The following CNTN4 variants were observed in gnomAD, a reference collection of about 807,000 sequenced individuals.
CNTN4 encodes contactin 4.
A neutral mutation model predicts 122.5 loss-of-function variants in CNTN4; 77 were observed. The ratio of observed to expected loss-of-function variants is 0.63; its 90% CI spans 0.52 to 0.76. The LOEUF (loss-of-function observed/expected upper bound fraction) is 0.76. Ranked by LOEUF, CNTN4 falls within the 30% of genes least tolerant of loss-of-function variation. The probability of loss-of-function intolerance (pLI) is 0.00; values close to 1 mark genes in which losing one functional copy is unlikely to be tolerated. For missense variants in CNTN4, 1,256 were observed against 1,259.1 expected (o/e 1.00, Z 0.04); for synonymous variants, 512 against 447.0 (o/e 1.15, Z -1.83).
intron 2 of CNTN4, among the ~76,000 whole-genome samples, chr3:2,185,492 G>A (rs1349640096): frequency 6.6e-6 from 1 of 152,030 alleles, no homozygotes; most frequent in African/African-American, 2.4e-5. Flanking sequence ...GCTACCCCAG[G>A]GCACTTTCCA....
chr3:2,674,586 G>C (rs1028280202), intron 4 of CNTN4, among the ~76,000 whole-genome samples: 1 of 152,096 alleles, frequency 6.6e-6, no homozygotes, highest in Non-Finnish European at 1.5e-5. Flanking sequence ...GTGAAATCTC[G>C]TCTCTATTAA....
intron 4 of CNTN4, among the ~76,000 whole-genome samples, chr3:2,651,310 C>T (rs1009470653): frequency 8.5e-5 from 13 of 152,216 alleles, no homozygotes; most frequent in African/African-American, 1.2e-4. Context: ...TTTGTGCTCC[C>T]GATGATCCCT....
At chr3:2,934,654 G>A (rs550408626) in intron 13 of CNTN4, among the ~76,000 whole-genome samples, 23 of 152,346 alleles carry the variant, frequency 1.5e-4, no homozygotes, top group African/African-American at 4.8e-4. Flanking sequence ...CTCTTAATGA[G>A]AAACCTGCCC....
chr3:2,678,987 G>A (rs759488595), intron 4 of CNTN4, among the ~76,000 whole-genome samples: 13 of 152,160 alleles, frequency 8.5e-5, no homozygotes, highest in Admixed American at 2.0e-4. Flanking sequence ...GTGCACATGT[G>A]TTCTGTTGAA....
In CNTN4 at chr3:2,122,444, A is replaced by T. The variant is rs182392184; in HGVS notation, c.-145+21805A>T. Among the ~76,000 whole-genome samples the T allele has an allele frequency of 3.1e-4, 47 of 152,336 alleles. No individual in the cohort carries two copies. The East Asian group carries it at 8.5e-3, about 28-fold the overall frequency. ...AGATGAATCTTAGATGTCAGTCTAC[A>T]TTAATCTATATGTAGCTAACTCTTC... On this transcript the variant is annotated intron_variant, in intron 2 of 24. Coordinates refer to ENST00000418658, the MANE Select transcript of CNTN4 (RefSeq NM_175607.3).
chr3:2,371,703 C>T (rs2045639593), intron 3 of CNTN4, among the ~76,000 whole-genome samples: 1 of 152,052 alleles, frequency 6.6e-6, no homozygotes, highest in East Asian at 1.9e-4. Flanking sequence ...TTTCATGTAA[C>T]ATATATTTTT....
intron 3 of CNTN4, among the ~76,000 whole-genome samples, chr3:2,545,647 C>G (rs937616956): frequency 4.7e-5 from 7 of 149,092 alleles, no homozygotes; most frequent in African/African-American, 1.7e-4. Flanking sequence ...TTCATCTTTG[C>G]TGGTATAAAG....
chr3:2,121,444 G>C (rs1330182406), intron 2 of CNTN4, among the ~76,000 whole-genome samples: 2 of 148,788 alleles, frequency 1.3e-5, no homozygotes, highest in Non-Finnish European at 3.0e-5. Context: ...GTTGCAGTGA[G>C]CCGAGATCAC....
At chr3:2,311,642 G>C (rs901301456) in intron 2 of CNTN4, among the ~76,000 whole-genome samples, 15 of 152,042 alleles carry the variant, frequency 9.9e-5, no homozygotes, top group African/African-American at 3.6e-4. Context: ...ATTTTAATAG[G>C]TTTCTTCACT....
At chr3:2,416,815 G>A (rs945408381) in intron 3 of CNTN4, among the ~76,000 whole-genome samples, 6 of 151,968 alleles carry the variant, frequency 3.9e-5, no homozygotes, top group South Asian at 2.1e-4. Context: ...AACCTCGCCC[G>A]GCTAATTTTT....
At chr3:2,176,700 T>C (rs1027737573) in intron 2 of CNTN4, among the ~76,000 whole-genome samples, 1 of 152,134 alleles carries the variant, frequency 6.6e-6, no homozygotes, top group Non-Finnish European at 1.5e-5. Flanking sequence ...ATTATCACTT[T>C]TATTTTTGCT....
At position 2,273,344 on chromosome 3, in the gene CNTN4, C is replaced by G. The variant is rs139602813; in HGVS notation, c.-144-65834C>G. ...CTTCAGTCCTATTCTGTGTATCTATCTAGTCATTGTCCCAGTGAAATGATA... is the reference window on the plus strand; with the variant it reads ...CTTCAGTCCTATTCTGTGTATCTATGTAGTCATTGTCCCAGTGAAATGATA... On this transcript the variant is annotated intron_variant, in intron 2 of 24. Coordinates refer to ENST00000418658, the MANE Select transcript of CNTN4 (RefSeq NM_175607.3). 2.6e-3 allele frequency among the ~76,000 whole-genome samples: 396 copies of G among 152,284 alleles called. 1 individual carries two copies. The highest frequency in any genetic ancestry group is 9.0e-3 in the African/African-American group (376 of 41,562).
At chr3:2,644,932 GCCT>G (rs1461364663) in intron 4 of CNTN4, among the ~76,000 whole-genome samples, 1 of 150,654 alleles carries the variant, frequency 6.6e-6, no homozygotes, top group East Asian at 1.9e-4. Flanking sequence ...ATGAATTAAT[GCCT>G]CCTTTCCCAG....
intron 2 of CNTN4, among the ~76,000 whole-genome samples, chr3:2,167,806 G>A (rs1227402796): frequency 1.3e-5 from 2 of 152,146 alleles, no homozygotes; most frequent in Non-Finnish European, 2.9e-5. Context: ...AATAGTATAT[G>A]ATGTTTCCCT....
intron 12 of CNTN4, among the ~76,000 whole-genome samples, chr3:2,925,202 A>C (rs1310216049): frequency 6.6e-6 from 1 of 152,202 alleles, no homozygotes; most frequent in African/African-American, 2.4e-5. Context: ...ACAGTGCTAC[A>C]TACTTTAAAA....
chr3:2,616,755 A>G lies in CNTN4; in HGVS notation c.55+45197A>G, dbSNP rs2081760057. Reference sequence around the variant, plus strand: ...ACTTCGAACTATACTACAAAGCTACAGTAACGAAAACAGCATGGTACTGGT... The same window carrying G: ...ACTTCGAACTATACTACAAAGCTACGGTAACGAAAACAGCATGGTACTGGT... On this transcript the variant is annotated intron_variant, in intron 4 of 24. Coordinates refer to ENST00000418658, the MANE Select transcript of CNTN4 (RefSeq NM_175607.3). Among the ~76,000 whole-genome samples, 3 of 152,222 alleles carry G rather than the reference A, an allele frequency of 2.0e-5. No individual in the cohort carries two copies. In the South Asian group the frequency reaches 6.2e-4, roughly 32 times the overall value.
intron 7 of CNTN4, among the ~76,000 whole-genome samples, chr3:2,834,459 G>T (rs2093171584): frequency 6.6e-6 from 1 of 152,030 alleles, no homozygotes; most frequent in African/African-American, 2.4e-5. Context: ...CCAGCTACTT[G>T]GGAGGCTTGA....
At chr3:2,201,755 T>A (rs990262614) in intron 2 of CNTN4, among the ~76,000 whole-genome samples, 21 of 152,302 alleles carry the variant, frequency 1.4e-4, no homozygotes, top group East Asian at 3.9e-4. Context: ...GATATTTTTT[T>A]AAATTTTTAT....
At chr3:2,865,657 TGGAC>T in intron 7 of CNTN4, among the ~76,000 whole-genome samples, 1 of 152,190 alleles carries the variant, frequency 6.6e-6, no homozygotes. Context: ...TCTCCAGCTT[TGGAC>T]AAATCTGGAA....
Sources: gnomAD v4.1 joint callset for allele counts (sites outside exome capture counted in the v4.1 genomes callset) on GRCh38, gnomAD v4.1.1 for gene constraint, MANE v1.5 for transcripts, NCBI Gene and HGNC (gene_info 2026-07-23, HGNC 2026-07-21) for gene names.